FOXN1: variants seen among roughly 807,000 people sequenced by gnomAD.
FOXN1 encodes the protein forkhead box N1, also known as forkhead box protein N1.
A neutral mutation model predicts 49.0 loss-of-function variants in FOXN1; 15 were observed. The observed-to-expected ratio is 0.31, with a 90% CI of 0.20 to 0.47. The LOEUF (loss-of-function observed/expected upper bound fraction) is 0.47, where lower values mean the gene tolerates loss of function less well. Ranked by LOEUF, FOXN1 falls within the 20% of genes least tolerant of loss-of-function variation. The pLI is 1.00. For missense variants in FOXN1, 800 were observed against 842.8 expected (o/e 0.95, Z 0.63); for synonymous variants, 356 against 369.0 (o/e 0.96, Z 0.40).
In FOXN1 at chr17:28,527,141, A is replaced by T. The variant is rs117401661; in HGVS notation, c.589-110A>T. The stretch of plus-strand genomic sequence containing the variant: ...TGTTCTCTGTTGTTCTCCAGGAATA[A>T]GCTTTGGGGGAAGCAGAATAGGGGT... On this transcript the variant is annotated intron_variant, in intron 3 of 8. Coordinates refer to ENST00000579795, the MANE Select transcript of FOXN1 (RefSeq NM_001369369.1). 5,928 of 750,782 alleles carry T rather than the reference A, an allele frequency of 7.9e-3. 34 individuals carry two copies. The highest frequency in any genetic ancestry group is 0.011 in the Non-Finnish European group (4,762 of 416,736). The allele number at this position is 750,782 out of a possible 1,614,324, so 46.5% of individuals were successfully genotyped here.
chr17:28,521,608 G>A (rs942897105), intron 1 of FOXN1, among the ~76,000 whole-genome samples: 12 of 152,246 alleles, frequency 7.9e-5, no homozygotes, highest in Admixed American at 2.0e-4. Context: ...TAGCATTGCC[G>A]AGTGAGCAGG....
Position 28,534,577 on chromosome 17 carries a change from A to T in FOXN1, c.1135+39A>T. ...GGCCACGCAAGGAAGGGCCCAGGGT[A>T]CTCATGAGCCAAAAAAAAAAAAAAG... On this transcript the variant is annotated intron_variant, in intron 7 of 8. Transcript: ENST00000579795. The surrounding 1 kb of genome is among the most constrained non-coding windows in gnomAD (Gnocchi z 4.1). The T allele has an allele frequency of 6.3e-7, 1 of 1,588,218 alleles. No individual in the cohort carries two copies. Among genetic ancestry groups the T allele is most frequent in the Non-Finnish European group, 8.6e-7 (1 of 1,167,832 alleles).
Position 28,534,587 on chromosome 17 carries a change from C to CAAAA in FOXN1, c.1135+60_1135+63dup. On this transcript the variant is annotated intron_variant, in intron 7 of 8. Transcript: ENST00000579795. This position sits in a 1 kb window ranked among gnomAD's most constrained non-coding sequence, Gnocchi z 4.1. The stretch of plus-strand genomic sequence containing the variant: ...GGAAGGGCCCAGGGTACTCATGAGC[C>CAAAA]AAAAAAAAAAAAAAGAGAGAATCAG... 1 of 1,470,588 alleles carries CAAAA rather than the reference C, an allele frequency of 6.8e-7. No individual in the cohort carries two copies. The highest frequency in any genetic ancestry group is 9.1e-7 in the Non-Finnish European group (1 of 1,094,610). The allele number at this position is 1,470,588 out of a possible 1,614,324, so 91.1% of individuals were successfully genotyped here.
At chr17:28,525,924 C>T (rs536803998) in intron 3 of FOXN1, among the ~76,000 whole-genome samples, 1 of 152,258 alleles carries the variant, frequency 6.6e-6, no homozygotes, top group African/African-American at 2.4e-5. Flanking sequence ...CAGCTACTGC[C>T]CCCAAACCTC....
chr17:28,508,505 A>G (rs2069315372), intron 1 of FOXN1, among the ~76,000 whole-genome samples: 1 of 151,118 alleles, frequency 6.6e-6, no homozygotes, highest in Non-Finnish European at 1.5e-5. Context: ...CTTTCCTTGG[A>G]CTCTTCACCT....
intron 5 of FOXN1, 108 bp from the exon 6 acceptor site, chr17:28,530,641 C>G (rs2069888449): frequency 8.0e-6 from 6 of 746,346 alleles, no homozygotes; most frequent in African/African-American, 1.7e-5. Context: ...TCATTCCCTT[C>G]TCTTTCACCT....
At position 28,535,006 on chromosome 17, in the gene FOXN1, C is replaced by T. The variant is rs530723331; in HGVS notation, c.1435C>T (p.Leu479Phe). The T allele has an allele frequency of 1.9e-6, 3 of 1,613,908 alleles. No individual in the cohort carries two copies. The African/African-American group carries it at 4.0e-5, about 22-fold the overall frequency. ...QPLFPQPDGH[L>F]ELRAQPGTPQ... ...ATTGTTCCCACAGCCGGACGGGCACCTTGAGCTGCGGGCCCAGCCAGGCAC... is the reference window on the plus strand; with the variant it reads ...ATTGTTCCCACAGCCGGACGGGCACTTTGAGCTGCGGGCCCAGCCAGGCAC... The change falls in exon 8 of 9, where the codon CTT becomes TTT. Residue 479 changes from leucine (L) to phenylalanine (F), a missense_variant. Physicochemically the swap from Leu to Phe is conservative, Grantham distance 22 (BLOSUM62 0). Around this residue, in one of 3 missense-constraint regions of FOXN1, gnomAD observed 344 missense variants for 366.1 expected, o/e 0.94. Coordinates refer to ENST00000579795, the MANE Select transcript of FOXN1 (RefSeq NM_001369369.1).
rs2070017819 is a variant in FOXN1 at position 28,534,922 on chromosome 17, T to C, written c.1351T>C (p.Tyr451His). 1.2e-6 allele frequency: 2 copies of C among 1,614,104 alleles called. No individual in the cohort carries two copies. The highest frequency in any genetic ancestry group is 1.7e-6 in the Non-Finnish European group (2 of 1,179,994). ...DLLMGHTPSC[Y>H]GQTYLHLSPG... ...ACTTATGGGGCACACACCCTCCTGC[T>C]ATGGGCAGACATACTTGCACCTCTC... is the stretch of plus-strand genomic sequence containing the variant. The change falls in exon 8 of 9, where the codon TAT becomes CAT. Residue 451 changes from tyrosine (Y) to histidine (H), a missense_variant. By Grantham distance (83) the Tyr-to-His change is moderately conservative. Transcript: ENST00000579795. This position sits in a 1 kb window ranked among gnomAD's most constrained non-coding sequence, Gnocchi z 4.1.
chr17:28,537,440 G>A lies in FOXN1; in HGVS notation c.*4G>A, dbSNP rs1395571580. Reference sequence around the variant, plus strand: ...CAAGCCCGTGGCCCTGGCATGAGCTGTGCCCAGCTTCGTCAGCTCCAGCGT... The same window carrying A: ...CAAGCCCGTGGCCCTGGCATGAGCTATGCCCAGCTTCGTCAGCTCCAGCGT... On this transcript the variant is annotated 3_prime_UTR_variant, in exon 9 of 9. Coordinates refer to ENST00000579795, the MANE Select transcript of FOXN1 (RefSeq NM_001369369.1). 3.1e-6 allele frequency: 5 copies of A among 1,610,242 alleles called. No homozygotes were observed. Among genetic ancestry groups the A allele is most frequent in the Non-Finnish European group, 4.2e-6 (5 of 1,177,260 alleles).
rs1232230024 is a variant in FOXN1 at position 28,530,973 on chromosome 17, A to C, written c.927+128A>C. ...GAAAGCCAGGAGAGGGCTTACCCCC[A>C]CCATGCTTTCCGTTGTCTCCACCTC... On this transcript the variant is annotated intron_variant, in intron 6 of 8. Coordinates refer to ENST00000579795, the MANE Select transcript of FOXN1 (RefSeq NM_001369369.1). The C allele has an allele frequency of 2.9e-5, 20 of 694,152 alleles. No individual in the cohort carries two copies. In the South Asian group the frequency reaches 3.1e-4, roughly 11 times the overall value. The allele number at this position is 694,152 out of a possible 1,614,324, so 43.0% of individuals were successfully genotyped here.
At chr17:28,530,220 A>T (rs2069877810) in intron 5 of FOXN1, among the ~76,000 whole-genome samples, 2 of 152,260 alleles carry the variant, frequency 1.3e-5, no homozygotes, top group South Asian at 4.1e-4. Flanking sequence ...AAGATTCAAA[A>T]GAAAAAAATG....
chr17:28,530,607 G>A (rs1351105545), intron 5 of FOXN1, 142 bp from the exon 6 acceptor site: 22 of 678,656 alleles, frequency 3.2e-5, no homozygotes, highest in Admixed American at 2.6e-4. Context: ...CCTGACTTCC[G>A]TGCTCACTTC....
At chr17:28,522,837 CAA>C (rs57340096) in intron 1 of FOXN1, among the ~76,000 whole-genome samples, 21 of 102,692 alleles carry the variant, frequency 2.0e-4, no homozygotes, top group Admixed American at 3.1e-4. Context: ...GACTCCATCT[CAA>C]AAAAAAAAAA....
Position 28,519,328 on chromosome 17 carries a change from CA to C in FOXN1, c.-14-4614del, listed in dbSNP as rs900477670. Among the ~76,000 whole-genome samples the C allele has an allele frequency of 4.7e-3, 641 of 135,012 alleles. 1 individual carries two copies. The highest frequency in any genetic ancestry group is 7.3e-3 in the African/African-American group (266 of 36,668). The allele number at this position is 135,012 out of a possible 152,430, so 88.6% of individuals were successfully genotyped here. A position where few individuals can be genotyped will look rare whatever the true frequency, so the allele number is the denominator to read the frequency against. On this transcript the variant is annotated intron_variant, in intron 1 of 8. Coordinates refer to ENST00000579795, the MANE Select transcript of FOXN1 (RefSeq NM_001369369.1). ...CCTGGGCGACAGCAAGACCTTGTCT[CA>C]AAAAAAAAAAAAAGTGCAGAGGAAA... is the stretch of plus-strand genomic sequence containing the variant.
chr17:28,531,803 C>T (rs2069921222), intron 6 of FOXN1, among the ~76,000 whole-genome samples: 1 of 152,180 alleles, frequency 6.6e-6, no homozygotes, highest in Non-Finnish European at 1.5e-5. Context: ...CCTGCCCCCA[C>T]CATCTATGGT....
chr17:28,536,153 G>C (rs1370495645), intron 8 of FOXN1, among the ~76,000 whole-genome samples: 10 of 152,194 alleles, frequency 6.6e-5, no homozygotes, highest in Admixed American at 6.5e-4. Context: ...ACAAGCTGAT[G>C]GAGGCAGCCT....
chr17:28,530,677 G>C (rs772859622), intron 5 of FOXN1, 72 bp from the exon 6 acceptor site: 2 of 827,124 alleles, frequency 2.4e-6, no homozygotes, highest in Middle Eastern at 2.6e-4. Flanking sequence ...CTCTCACCAG[G>C]GGTGGGGGGC....
intron 1 of FOXN1, among the ~76,000 whole-genome samples, chr17:28,517,327 A>T: frequency 6.9e-6 from 1 of 144,002 alleles, no homozygotes; most frequent in Admixed American, 6.9e-5. Flanking sequence ...ACACCTCCAC[A>T]GGGACACACC....
At chr17:28,510,592 A>G (rs1193234928) in intron 1 of FOXN1, among the ~76,000 whole-genome samples, 4 of 151,260 alleles carry the variant, frequency 2.6e-5, no homozygotes, top group South Asian at 2.1e-4. Context: ...ACACACACAC[A>G]CACACACACA....
Sources: gnomAD v4.1 joint callset for allele counts (sites outside exome capture counted in the v4.1 genomes callset) on GRCh38, gnomAD v4.1.1 for gene constraint, gnomAD v4.1.1 regional missense constraint, Gnocchi (gnomAD v3.1) non-coding constraint, MANE v1.5 for transcripts, NCBI Gene and HGNC (gene_info 2026-07-23, HGNC 2026-07-21) for gene names.